Variants in ILDR1 observed in about 807,000 individuals in gnomAD.
ILDR1 encodes immunoglobulin-like domain-containing receptor 1.
In ILDR1, 56 loss-of-function variants were observed where a neutral mutation model predicts 62.4. That is an observed-to-expected ratio of 0.90 (90% CI 0.72 to 1.12). ILDR1 has a LOEUF of 1.12. Ranked by LOEUF, ILDR1 falls within the 50% of genes most tolerant of loss-of-function variation. ILDR1 has a pLI of 0.00. For synonymous variants in ILDR1, 284 were observed against 277.8 expected (o/e 1.02, Z -0.22); for missense variants, 736 against 710.6 (o/e 1.04, Z -0.41).
At chr3:122,047,661 G>A in the ILDR1 span, among the ~76,000 whole-genome samples, 1 of 152,158 alleles carries the variant, frequency 6.6e-6, no homozygotes, top group African/African-American at 2.4e-5. Context: ...TATTCGGGTG[G>A]GAGTGACCCG....
chr3:122,052,719 C>A, the ILDR1 span, among the ~76,000 whole-genome samples: 1 of 152,184 alleles, frequency 6.6e-6, no homozygotes, highest in Non-Finnish European at 1.5e-5. Context: ...GAGGAATGTG[C>A]CAGCATGCCT....
chr3:121,993,211 C>G lies in ILDR1; in HGVS notation c.1538G>C (p.Arg513Pro). 6.2e-7 allele frequency: 1 copy of G among 1,613,868 alleles called. No individual in the cohort carries two copies. Among genetic ancestry groups the G allele is most frequent in the Non-Finnish European group, 8.5e-7 (1 of 1,179,888 alleles). The change falls in exon 7 of 8, where the codon CGC becomes CCC. Residue 513 changes from arginine to proline, a missense_variant. By Grantham distance (103) the Arg-to-Pro change is moderately radical (BLOSUM62 -2). Transcript: ENST00000344209. ...HWPEEKPPSY[R>P]SLDITPGKNS... Reference sequence around the variant, plus strand: ...CTTGCCTGGAGTGATATCAAGTGAGCGGTAGCTAGGCGGCTTCTCCTCGGG... The same window carrying G: ...CTTGCCTGGAGTGATATCAAGTGAGGGGTAGCTAGGCGGCTTCTCCTCGGG...
chr3:122,048,817 A>G, the ILDR1 span, among the ~76,000 whole-genome samples: 1 of 151,006 alleles, frequency 6.6e-6, no homozygotes, highest in Non-Finnish European at 1.5e-5. Context: ...CTTTTTTTTT[A>G]TAGAGACAGG....
chr3:122,004,566 A>ACTC (rs1353047293), intron 3 of ILDR1, among the ~76,000 whole-genome samples: 1 of 151,980 alleles, frequency 6.6e-6, no homozygotes, highest in Admixed American at 6.6e-5. Flanking sequence ...TCTCACCACT[A>ACTC]CTCCCTGCAC....
the ILDR1 span, among the ~76,000 whole-genome samples, chr3:122,033,971 G>A: frequency 6.6e-6 from 1 of 151,966 alleles, no homozygotes. Context: ...TTGGTTCTTT[G>A]CATTTCTACA....
At chr3:122,040,005 G>C in the ILDR1 span, among the ~76,000 whole-genome samples, 1 of 151,882 alleles carries the variant, frequency 6.6e-6, no homozygotes, top group South Asian at 2.1e-4. Context: ...ATTAATAAGA[G>C]ATAGCCTTAA....
Position 122,022,217 on chromosome 3 carries a change from G to A in ILDR1, c.-140C>T. 1 of 696,768 alleles carries A rather than the reference G, an allele frequency of 1.4e-6. No individual in the cohort carries two copies. The highest frequency in any genetic ancestry group is 2.3e-6 in the Non-Finnish European group (1 of 430,058). The allele number at this position is 696,768 out of a possible 1,614,324, so 43.2% of individuals were successfully genotyped here. ...TCCCTCGGCGCAGCGGGGAGGGAGC[G>A]TCCGCTCTGGTCCCGGGGCAGGTGC... is the stretch of plus-strand genomic sequence containing the variant. On this transcript the variant is annotated 5_prime_UTR_variant, in exon 1 of 8. It adds an upstream start codon to the 5' untranslated region. Transcript: ENST00000344209.
At chr3:122,012,150 A>G (rs1286643600) in intron 1 of ILDR1, among the ~76,000 whole-genome samples, 1 of 152,188 alleles carries the variant, frequency 6.6e-6, no homozygotes, top group East Asian at 1.9e-4. Context: ...CTGTAAACCT[A>G]ACCACACTGG....
the ILDR1 span, among the ~76,000 whole-genome samples, chr3:122,040,268 A>G: frequency 6.6e-6 from 1 of 152,038 alleles, no homozygotes; most frequent in Admixed American, 6.5e-5. Context: ...ACATAAAGTT[A>G]CATGTAAAAC....
At chr3:121,995,595 G>A (rs934243177) in intron 5 of ILDR1, among the ~76,000 whole-genome samples, 1 of 152,148 alleles carries the variant, frequency 6.6e-6, no homozygotes, top group Non-Finnish European at 1.5e-5. Flanking sequence ...AGAAATCAGA[G>A]GCAAACTTGC....
the ILDR1 span, among the ~76,000 whole-genome samples, chr3:122,038,417 A>C: frequency 6.6e-6 from 1 of 152,354 alleles, no homozygotes; most frequent in African/African-American, 2.4e-5. Flanking sequence ...TAGTGCACTG[A>C]GGTCAATGAT....
the ILDR1 span, among the ~76,000 whole-genome samples, chr3:122,061,593 C>T: frequency 2.0e-5 from 3 of 152,010 alleles, no homozygotes; most frequent in African/African-American, 7.2e-5. Flanking sequence ...AGATGGTGAA[C>T]AACCATATAA....
intron 1 of ILDR1, among the ~76,000 whole-genome samples, chr3:122,010,251 G>A (rs1390331848): frequency 6.6e-6 from 1 of 152,142 alleles, no homozygotes; most frequent in African/African-American, 2.4e-5. Context: ...GGCTGGTGGT[G>A]GTGAGTGGGA....
chr3:121,989,907 A>T (rs867523388), intron 7 of ILDR1, among the ~76,000 whole-genome samples: 21 of 152,238 alleles, frequency 1.4e-4, no homozygotes, highest in Admixed American at 9.8e-4. Context: ...CACATGAACA[A>T]CAACAAAAAA....
chr3:122,027,381 G>A, the ILDR1 span, among the ~76,000 whole-genome samples: 1 of 152,116 alleles, frequency 6.6e-6, no homozygotes, highest in Non-Finnish European at 1.5e-5. Context: ...GTAGATATGG[G>A]GTTTCACCAT....
Position 121,987,626 on chromosome 3 carries a change from G to GA in ILDR1, c.*740dup, listed in dbSNP as rs2071269814. 1 of 152,538 alleles carries GA rather than the reference G, an allele frequency of 6.6e-6. No individual in the cohort carries two copies. The highest frequency in any genetic ancestry group is 1.5e-5 in the Non-Finnish European group (1 of 68,396). 9.4% of individuals were successfully genotyped at this position (152,538 alleles called of 1,614,324 possible). Reference sequence around the variant, plus strand: ...ACCCTCAAGACATGCCATGGAGGAAGATACATTCCCATGGGAATGTCCCTA... The same window carrying GA: ...ACCCTCAAGACATGCCATGGAGGAAGAATACATTCCCATGGGAATGTCCCTA... On this transcript the variant is annotated 3_prime_UTR_variant, in exon 8 of 8. Transcript: ENST00000344209.
chr3:122,044,824 C>T, the ILDR1 span, among the ~76,000 whole-genome samples: 1 of 152,092 alleles, frequency 6.6e-6, no homozygotes, highest in Non-Finnish European at 1.5e-5. Context: ...CTTTATCAGT[C>T]TTGCTAGTGG....
chr3:122,032,836 G>C, the ILDR1 span, among the ~76,000 whole-genome samples: 2 of 152,332 alleles, frequency 1.3e-5, no homozygotes, highest in South Asian at 4.1e-4. Context: ...AAGGGAGTGA[G>C]CCATCTTAAA....
In ILDR1 at chr3:121,994,172, AAG is replaced by A; in HGVS notation, c.778+8_778+9del. The stretch of plus-strand genomic sequence containing the variant: ...GCCCTCCCCTATCCCAAATCTCTGG[AAG>A]AGTTTACCTCGCTGCAGCAGCGGGT... On this transcript the variant is annotated splice_region_variant and intron_variant, in intron 6 of 7. Transcript: ENST00000344209. 6.5e-7 allele frequency: 1 copy of A among 1,536,006 alleles called. No individual in the cohort carries two copies. The highest frequency in any genetic ancestry group is 8.7e-7 in the Non-Finnish European group (1 of 1,146,816).
Sources: allele counts gnomAD v4.1 joint callset (sites outside exome capture counted in the v4.1 genomes callset), GRCh38; gene constraint gnomAD v4.1.1; transcripts MANE v1.5; gene names NCBI Gene and HGNC (gene_info 2026-07-23, HGNC 2026-07-21).